ALS2CL: variants seen among roughly 807,000 people sequenced by gnomAD.
ALS2CL encodes the protein ALS2 C-terminal like.
ALS2CL carries 112 observed loss-of-function variants against 127.9 expected under a neutral mutation model. That is an observed-to-expected ratio of 0.88 (90% CI 0.75 to 1.02). The LOEUF is 1.02. Ranked by LOEUF, ALS2CL falls within the 50% of genes least tolerant of loss-of-function variation. ALS2CL has a pLI of 0.00. For missense variants in ALS2CL, 1,174 were observed against 1,236.7 expected, an observed-to-expected ratio of 0.95 and a Z score of 0.76; for synonymous variants, 519 against 527.6, an observed-to-expected ratio of 0.98 and a Z score of 0.22.
intron 15 of ALS2CL, 34 bp from the exon 16 acceptor site, chr3:46,678,423 C>A: frequency 6.3e-7 from 1 of 1,593,838 alleles, no homozygotes; most frequent in South Asian, 1.1e-5. Context: ...GGATGTCTGT[C>A]TGCCCAGTTA....
At chr3:46,680,632 A>G in intron 13 of ALS2CL, 91 bp from the exon 14 acceptor site, 1 of 1,131,530 alleles carries the variant, frequency 8.8e-7, no homozygotes, top group Non-Finnish European at 1.3e-6. Flanking sequence ...CAGGGAGTGC[A>G]GATAAGGGGC....
Position 46,681,879 on chromosome 3 carries a change from A to T in ALS2CL, c.1175+150T>A. On this transcript the variant is annotated intron_variant, in intron 11 of 25. Coordinates refer to ENST00000318962, the MANE Select transcript of ALS2CL (RefSeq NM_147129.5). The surrounding 1 kb of genome is among the most constrained non-coding windows in gnomAD (Gnocchi z 4.9). Reference sequence around the variant, plus strand: ...TTCAGGCCCCCGGTTCCCCTTTGGTACAGTGGGCGGGGGCTGGACCGGATT... The same window carrying T: ...TTCAGGCCCCCGGTTCCCCTTTGGTTCAGTGGGCGGGGGCTGGACCGGATT... 9.7e-7 allele frequency: 1 copy of T among 1,030,884 alleles called. No individual in the cohort carries two copies. The allele number at this position is 1,030,884 out of a possible 1,614,324, so 63.9% of individuals were successfully genotyped here.
At chr3:46,684,357 T>C (rs1324260762) in intron 7 of ALS2CL, among the ~76,000 whole-genome samples, 2 of 152,118 alleles carry the variant, frequency 1.3e-5, no homozygotes, top group African/African-American at 4.8e-5. Context: ...TGGCTCCTAC[T>C]GCCTGGGGGT....
At position 46,689,481 on chromosome 3, in the gene ALS2CL, G is replaced by T. The variant is rs777100182; in HGVS notation, c.-25-16C>A. The T allele has an allele frequency of 1.6e-5, 25 of 1,526,332 alleles. No individual in the cohort carries two copies. The highest frequency in any genetic ancestry group is 2.2e-5 in the Non-Finnish European group (25 of 1,126,012). 94.5% of individuals were successfully genotyped at this position (1,526,332 alleles called of 1,614,324 possible). A position where few individuals can be genotyped will look rare whatever the true frequency, so the allele number is the denominator to read the frequency against. On this transcript the variant is annotated splice_polypyrimidine_tract_variant and intron_variant, in intron 1 of 25. Transcript: ENST00000318962. Reference sequence around the variant, plus strand: ...TCAGGGCCTCCTAGGTAGGGCACAGGTTACAGCTAGATAGCACAGACAGGA... The same window carrying T: ...TCAGGGCCTCCTAGGTAGGGCACAGTTTACAGCTAGATAGCACAGACAGGA...
intron 18 of ALS2CL, 115 bp downstream of exon 18, chr3:46,676,527 A>T: frequency 6.5e-7 from 1 of 1,529,858 alleles, no homozygotes; most frequent in South Asian, 1.2e-5. Flanking sequence ...TCTGAGGACA[A>T]GGGATCCACA....
intron 19 of ALS2CL, 176 bp downstream of exon 19, chr3:46,676,069 C>G (rs929833258): frequency 3.0e-6 from 4 of 1,355,414 alleles, no homozygotes; most frequent in Non-Finnish European, 3.9e-6. Context: ...TGGGCCTTTG[C>G]TCTCACCTCC....
In ALS2CL at chr3:46,682,835, T is replaced by G. The variant is rs141456181; in HGVS notation, c.1109+295A>C. On this transcript the variant is annotated intron_variant, in intron 10 of 25. Coordinates refer to ENST00000318962, the MANE Select transcript of ALS2CL (RefSeq NM_147129.5). Reference sequence around the variant, plus strand: ...ACACTGCCAGACAATGAGGTACAGATGTGAGAATTATTCTCCCACCCTCCT... The same window carrying G: ...ACACTGCCAGACAATGAGGTACAGAGGTGAGAATTATTCTCCCACCCTCCT... Among the ~76,000 whole-genome samples, 160 of 152,326 alleles carry G rather than the reference T, an allele frequency of 1.1e-3. 1 individual carries two copies. The highest frequency in any genetic ancestry group is 3.7e-3 in the African/African-American group (155 of 41,582).
intron 13 of ALS2CL, 192 bp from the exon 14 acceptor site, chr3:46,680,733 G>A: frequency 1.7e-6 from 1 of 593,498 alleles, no homozygotes; most frequent in Non-Finnish European, 3.0e-6. Flanking sequence ...GAGGGAGGCA[G>A]CCTGGGAAGG....
chr3:46,679,280 C>A lies in ALS2CL; in HGVS notation c.1556G>T (p.Gly519Val). Reference sequence around the variant, plus strand: ...GGAGTCGTCTTCAGAGAGGAGGATGCCCGGGCCCTTGGGGAGAGGAAGCCA... The same window carrying A: ...GGAGTCGTCTTCAGAGAGGAGGATGACCGGGCCCTTGGGGAGAGGAAGCCA... ...TFQADKTVGP[G>V]ILLSEDDSLY... Residue 519 changes from glycine to valine, a missense_variant, in exon 15 of 26, where the codon GGC (glycine) becomes GTC (valine). By Grantham distance (109) the Gly-to-Val change is moderately radical. Coordinates refer to ENST00000318962, the MANE Select transcript of ALS2CL (RefSeq NM_147129.5). 6.3e-7 allele frequency: 1 copy of A among 1,587,288 alleles called. No homozygotes were observed. The highest frequency in any genetic ancestry group is 8.6e-7 in the Non-Finnish European group (1 of 1,166,280).
chr3:46,673,128 G>C (rs1698539284), intron 22 of ALS2CL, among the ~76,000 whole-genome samples: 1 of 152,212 alleles, frequency 6.6e-6, no homozygotes, highest in Non-Finnish European at 1.5e-5. Flanking sequence ...CACACAGCCA[G>C]GTAAGAACCT....
chr3:46,673,011 GTAAA>G (rs1197026829), intron 22 of ALS2CL, among the ~76,000 whole-genome samples: 1 of 152,122 alleles, frequency 6.6e-6, no homozygotes, highest in Non-Finnish European at 1.5e-5. Flanking sequence ...TTCTCGAAAA[GTAAA>G]TAAATAAATA....
At chr3:46,683,362 G>A (rs1346674687) in intron 9 of ALS2CL, 36 bp from the exon 10 acceptor site, 2 of 1,548,040 alleles carry the variant, frequency 1.3e-6, no homozygotes, top group Middle Eastern at 1.9e-4. Context: ...GGGGATCACT[G>A]CTGCTGGAGG....
At chr3:46,671,827 G>T in intron 24 of ALS2CL, 57 bp downstream of exon 24, 1 of 1,604,466 alleles carries the variant, frequency 6.2e-7, no homozygotes, top group East Asian at 2.2e-5. Context: ...AGAAGATATC[G>T]TGGTTGGGGG....
rs763291471 is a variant in ALS2CL at position 46,681,644 on chromosome 3, G to A, written c.1176-46C>T. Reference sequence around the variant, plus strand: ...GTGGGGATCAGCCCTGACCTGAGACGCCCATTACACCTACTCCATGCCACC... The same window carrying A: ...GTGGGGATCAGCCCTGACCTGAGACACCCATTACACCTACTCCATGCCACC... On this transcript the variant is annotated intron_variant, in intron 11 of 25. Coordinates refer to ENST00000318962, the MANE Select transcript of ALS2CL (RefSeq NM_147129.5). This position sits in a 1 kb window ranked among gnomAD's most constrained non-coding sequence, Gnocchi z 4.9. 5.7e-6 allele frequency: 9 copies of A among 1,587,224 alleles called. No homozygotes were observed. Among genetic ancestry groups the A allele is most frequent in the Admixed American group, 3.3e-5 (2 of 59,806 alleles).
chr3:46,678,992 C>G (rs964756414), intron 15 of ALS2CL, among the ~76,000 whole-genome samples: 1 of 152,194 alleles, frequency 6.6e-6, no homozygotes, highest in African/African-American at 2.4e-5. Context: ...CACCGGTACC[C>G]TCTGGATAGC....
intron 9 of ALS2CL, 92 bp from the exon 10 acceptor site, chr3:46,683,418 C>T: frequency 8.3e-7 from 1 of 1,211,922 alleles, no homozygotes; most frequent in East Asian, 2.5e-5. Flanking sequence ...GTACCACCCC[C>T]TCCACCCTCC....
chr3:46,671,090 G>T (rs781210496), intron 25 of ALS2CL, 26 bp from the exon 26 acceptor site: 2 of 1,607,954 alleles, frequency 1.2e-6, no homozygotes, highest in Admixed American at 3.3e-5. Context: ...CAAGGCTGAG[G>T]CCAGTTGACC....
In ALS2CL at chr3:46,683,980, G is replaced by A; in HGVS notation, c.845+9C>T. 6.3e-7 allele frequency: 1 copy of A among 1,597,974 alleles called. No homozygotes were observed. The highest frequency in any genetic ancestry group is 8.5e-7 in the Non-Finnish European group (1 of 1,171,564). On this transcript the variant is annotated intron_variant, in intron 8 of 25. Coordinates refer to ENST00000318962, the MANE Select transcript of ALS2CL (RefSeq NM_147129.5). ...AAGGCCTGGGGTGTCAGCCGAGGGGGTTGCTCACCCGTCCTGCCCAGGATC... is the reference window on the plus strand; with the variant it reads ...AAGGCCTGGGGTGTCAGCCGAGGGGATTGCTCACCCGTCCTGCCCAGGATC...
Position 46,683,143 on chromosome 3 carries a change from G to A in ALS2CL, c.1096C>T (p.Arg366Trp), listed in dbSNP as rs570780691. 58 of 1,575,256 alleles carry A rather than the reference G, an allele frequency of 3.7e-5. 1 individual carries two copies. The highest frequency in any genetic ancestry group is 3.7e-4 in the Middle Eastern group (2 of 5,388). The part of the protein sequence containing the change: ...ATYEGEWCRG[R>W]PHGKGTLKWP... ...CCAGCCACTCACTTGCCGTGGGGCC[G>A]GCCCCTGCACCACTCGCCCTCGTAG... Residue 366 changes from arginine to tryptophan, a missense_variant, in exon 10 of 26, where the codon CGG becomes TGG. Physicochemically the swap from Arg to Trp is moderately radical, Grantham distance 101. Coordinates refer to ENST00000318962, the MANE Select transcript of ALS2CL (RefSeq NM_147129.5).
Sources: allele counts gnomAD v4.1 joint callset (sites outside exome capture counted in the v4.1 genomes callset), GRCh38; gene constraint gnomAD v4.1.1; non-coding constraint Gnocchi (gnomAD v3.1); transcripts MANE v1.5; gene names NCBI Gene and HGNC (gene_info 2026-07-23, HGNC 2026-07-21).